AHNAK: variants seen among roughly 807,000 people sequenced by gnomAD.
AHNAK encodes neuroblast differentiation-associated protein AHNAK.
In AHNAK, 23 loss-of-function variants were observed where a neutral mutation model predicts 37.8. That is an observed-to-expected ratio of 0.61 (90% CI 0.44 to 0.86). The LOEUF is 0.86. Among genes scored for constraint, AHNAK ranks in the 40% least tolerant of loss-of-function variants. The probability of loss-of-function intolerance (pLI) is 0.00; values close to 1 mark genes in which losing one functional copy is unlikely to be tolerated. For missense variants in AHNAK, 7,411 were observed against 7,319.4 expected, an observed-to-expected ratio of 1.01 and a Z score of -0.46; for synonymous variants, 2,481 against 2,636.3, an observed-to-expected ratio of 0.94 and a Z score of 1.80.
At chr11:62,503,872 G>A (rs912592647) in intron 4 of AHNAK, among the ~76,000 whole-genome samples, 3 of 152,178 alleles carry the variant, frequency 2.0e-5, no homozygotes, top group Non-Finnish European at 4.4e-5. Flanking sequence ...TAAAGTCCCT[G>A]CCTCCAGGCC....
intron 4 of AHNAK, among the ~76,000 whole-genome samples, chr11:62,510,205 G>A (rs552186425): frequency 2.0e-4 from 31 of 151,412 alleles, no homozygotes; most frequent in Admixed American, 1.6e-3. Context: ...CACCACACCC[G>A]GCTAATTTTT....
At chr11:62,458,373 T>A (rs1483852958) in intron 5 of AHNAK, among the ~76,000 whole-genome samples, 1 of 151,940 alleles carries the variant, frequency 6.6e-6, no homozygotes, top group Non-Finnish European at 1.5e-5. Context: ...CGGTCCCACT[T>A]GATCCCCTCA....
intron 5 of AHNAK, among the ~76,000 whole-genome samples, chr11:62,465,864 C>T (rs929111334): frequency 1.3e-5 from 2 of 152,146 alleles, no homozygotes; most frequent in Non-Finnish European, 2.9e-5. Context: ...TCCCTAGAAC[C>T]TTTCAGAGGG....
At chr11:62,472,393 A>T (rs752814454) in intron 5 of AHNAK, among the ~76,000 whole-genome samples, 2 of 151,846 alleles carry the variant, frequency 1.3e-5, no homozygotes, top group Non-Finnish European at 2.9e-5. Context: ...AGTCCTCACA[A>T]CTGTTCTTCT....
At position 62,517,326 on chromosome 11, in the gene AHNAK, G is replaced by A. The variant is rs199526731; in HGVS notation, c.17091C>T (p.Asp5697=). ...AEASIQAGAG[D]GEWEESEVKL... ...TGACTTCAGACTCTTCCCACTCGCC[G>A]TCTCCAGCACCAGCTTGGATGCTGG... Residue 5697 remains aspartate (D), a synonymous_variant, in exon 5 of 5, where the codon GAC becomes GAT. Coordinates refer to ENST00000378024, the MANE Select transcript of AHNAK (RefSeq NM_001620.3). 7.6e-5 allele frequency: 122 copies of A among 1,614,142 alleles called. No homozygotes were observed. The East Asian group carries it at 1.1e-3, about 14-fold the overall frequency.
In AHNAK at chr11:62,518,042, G is replaced by A; in HGVS notation, c.16375C>T (p.Pro5459Ser). The A allele has an allele frequency of 6.2e-7, 1 of 1,614,098 alleles. No individual in the cohort carries two copies. The highest frequency in any genetic ancestry group is 1.1e-5 in the South Asian group (1 of 91,074). The change falls in exon 5 of 5, where the codon CCA becomes TCA. Residue 5459 changes from proline (P) to serine (S), a missense_variant. Coordinates refer to ENST00000378024, the MANE Select transcript of AHNAK (RefSeq NM_001620.3). Reference sequence around the variant, plus strand: ...GCCCCAAGGCTCCCTTTCACTTTTGGTCCTTCCAAGTTAAAGTCCACATTC... The same window carrying A: ...GCCCCAAGGCTCCCTTTCACTTTTGATCCTTCCAAGTTAAAGTCCACATTC... ...APNVDFNLEGPKVKGSLGATG... is the reference protein window; with the variant it reads ...APNVDFNLEGSKVKGSLGATG...
At chr11:62,472,902 C>G (rs1224232271) in intron 5 of AHNAK, among the ~76,000 whole-genome samples, 1 of 151,258 alleles carries the variant, frequency 6.6e-6, no homozygotes, top group African/African-American at 2.4e-5. Context: ...GCCTGGCCAA[C>G]ATAGTGAAAA....
At position 62,536,525 on chromosome 11, in the gene AHNAK, T is replaced by TCTCTTCCC. The variant is rs1335239945; in HGVS notation, c.-65_-58dup. The TCTCTTCCC allele has an allele frequency of 2.5e-5, 4 of 157,860 alleles. No individual in the cohort carries two copies. Among genetic ancestry groups the TCTCTTCCC allele is most frequent in the Admixed American group, 1.3e-4 (2 of 15,452 alleles). The allele number at this position is 157,860 out of a possible 1,614,324, so 9.8% of individuals were successfully genotyped here. The stretch of plus-strand genomic sequence containing the variant: ...TTGCCAGGAGCCCGCCCCTCCTTCC[T>TCTCTTCCC]CTCTTCCCCTCAGTCTCTCTCGTCG... On this transcript the variant is annotated 5_prime_UTR_variant, in exon 2 of 5. Coordinates refer to ENST00000378024, the MANE Select transcript of AHNAK (RefSeq NM_001620.3).
intron 5 of AHNAK, among the ~76,000 whole-genome samples, chr11:62,474,100 TA>T (rs1190617376): frequency 6.6e-6 from 1 of 151,224 alleles, no homozygotes; most frequent in African/African-American, 2.4e-5. Context: ...TCAAAAATAA[TA>T]GTAATAATTT....
chr11:62,539,498 G>A (rs1050661581), intron 1 of AHNAK, among the ~76,000 whole-genome samples: 6 of 121,926 alleles, frequency 4.9e-5, no homozygotes, highest in African/African-American at 1.9e-4. Flanking sequence ...GACCTGCAAA[G>A]GGTTGAGCCT....
Position 62,518,715 on chromosome 11 carries a change from G to A in AHNAK, c.15702C>T (p.Pro5234=), listed in dbSNP as rs1237849067. ...TGCCGATCTTGGGCATGGAAAACTTGGGGAACTTAATTTTTGCTTCTGGAC... is the reference window on the plus strand; with the variant it reads ...TGCCGATCTTGGGCATGGAAAACTTAGGGAACTTAATTTTTGCTTCTGGAC... ...LQGPEAKIKF[P]KFSMPKIGIP... Residue 5234 remains proline (P), a synonymous_variant, in exon 5 of 5, where the codon CCC becomes CCT. Coordinates refer to ENST00000378024, the MANE Select transcript of AHNAK (RefSeq NM_001620.3). 3 of 1,614,140 alleles carry A rather than the reference G, an allele frequency of 1.9e-6. No homozygotes were observed. The highest frequency in any genetic ancestry group is 2.5e-6 in the Non-Finnish European group (3 of 1,180,006).
chr11:62,455,866 CAA>C (rs528335539), intron 5 of AHNAK, among the ~76,000 whole-genome samples: 1 of 134,604 alleles, frequency 7.4e-6, no homozygotes, highest in African/African-American at 2.8e-5. Context: ...TCCATCCCCC[CAA>C]AAAAAAAAAA....
intron 5 of AHNAK, among the ~76,000 whole-genome samples, chr11:62,474,624 T>G (rs1333032494): frequency 1.3e-5 from 2 of 152,210 alleles, no homozygotes; most frequent in African/African-American, 4.8e-5. Context: ...CACCTGCGAA[T>G]GGACACGAGG....
intron 5 of AHNAK, among the ~76,000 whole-genome samples, chr11:62,460,649 GAGA>G (rs1250475586): frequency 3.3e-5 from 5 of 152,198 alleles, no homozygotes; most frequent in Non-Finnish European, 7.3e-5. Context: ...TGTGACAGAA[GAGA>G]AGGAGAGCAA....
chr11:62,444,427 G>A (rs955722571), intron 5 of AHNAK, among the ~76,000 whole-genome samples: 2 of 152,206 alleles, frequency 1.3e-5, no homozygotes, highest in African/African-American at 2.4e-5. Context: ...CTCGAAAGCA[G>A]AAGGAAATTA....
chr11:62,469,738 G>A (rs925973961), intron 5 of AHNAK, among the ~76,000 whole-genome samples: 1 of 152,096 alleles, frequency 6.6e-6, no homozygotes, highest in Non-Finnish European at 1.5e-5. Flanking sequence ...AAAGTGCTGG[G>A]ATTATAGGTG....
rs758159233 is a variant in AHNAK, at chr11:62,530,489, T to G, written c.3928A>C (p.Lys1310Gln). The change falls in exon 5 of 5, where the codon AAG (lysine) becomes CAG (glutamine). Residue 1310 changes from lysine to glutamine, a missense_variant. By Grantham distance (53) the Lys-to-Gln change is moderately conservative (BLOSUM62 1). Coordinates refer to ENST00000378024, the MANE Select transcript of AHNAK (RefSeq NM_001620.3). ...EGPEGKLKGP[K>Q]FKMPEMHFKA... is the part of the protein sequence containing the mutation. The stretch of plus-strand genomic sequence containing the variant: ...AAGTGCATCTCAGGCATCTTAAACT[T>G]GGGGCCCTTCAGCTTTCCTTCCGGG... 3 of 1,612,688 alleles carry G rather than the reference T, an allele frequency of 1.9e-6. No individual in the cohort carries two copies. In the African/African-American group the frequency reaches 4.0e-5, roughly 22 times the overall value.
At position 62,524,021 on chromosome 11, in the gene AHNAK, G is replaced by C; in HGVS notation, c.10396C>G (p.His3466Asp). 1 of 1,614,134 alleles carries C rather than the reference G, an allele frequency of 6.2e-7. No individual in the cohort carries two copies. The highest frequency in any genetic ancestry group is 2.2e-5 in the East Asian group (1 of 44,884). Residue 3466 changes from histidine (H) to aspartate (D), a missense_variant, in exon 5 of 5, where the codon CAT (histidine) becomes GAT (aspartate). Coordinates refer to ENST00000378024, the MANE Select transcript of AHNAK (RefSeq NM_001620.3). ...ATTTTCAGATTCCAGTCTGGACCAT[G>C]AACATCCACATCAGGTGCATTAAGA... is the stretch of plus-strand genomic sequence containing the variant. ...VNLNAPDVDV[H>D]GPDWNLKMPK...
chr11:62,488,184 C>T (rs998751462), intron 5 of AHNAK, among the ~76,000 whole-genome samples: 1 of 152,182 alleles, frequency 6.6e-6, no homozygotes, highest in African/African-American at 2.4e-5. Flanking sequence ...AGACATTATG[C>T]ACCCAGTGTA....
Sources: allele counts gnomAD v4.1 joint callset (sites outside exome capture counted in the v4.1 genomes callset), GRCh38; gene constraint gnomAD v4.1.1; transcripts MANE v1.5; gene names NCBI Gene and HGNC (gene_info 2026-07-23, HGNC 2026-07-21).